PODXL2: variants seen among roughly 807,000 people sequenced by gnomAD.
PODXL2 encodes podocalyxin like 2, also known as podocalyxin-like protein 2.
Under a neutral mutation model 53.4 loss-of-function variants are expected in PODXL2, and 17 were observed. The ratio of observed to expected loss-of-function variants is 0.32; its 90% CI spans 0.22 to 0.48. The LOEUF is 0.48. Ranked by LOEUF, PODXL2 falls within the 20% of genes least tolerant of loss-of-function variation. PODXL2 has a pLI of 0.99. For missense variants in PODXL2, 673 were observed against 760.0 expected, an observed-to-expected ratio of 0.89 and a Z score of 1.35; for synonymous variants, 311 against 306.7, an observed-to-expected ratio of 1.01 and a Z score of -0.15.
chr3:127,645,868 G>C (rs991726874), intron 2 of PODXL2, among the ~76,000 whole-genome samples: 1 of 152,202 alleles, frequency 6.6e-6, no homozygotes, highest in African/African-American at 2.4e-5. Flanking sequence ...AGGGGTTCTT[G>C]GGGAGAAGGA....
chr3:127,649,345 G>A (rs2074674881), intron 2 of PODXL2, among the ~76,000 whole-genome samples: 1 of 152,228 alleles, frequency 6.6e-6, no homozygotes, highest in Non-Finnish European at 1.5e-5. Flanking sequence ...CATGGACTGT[G>A]CCATGATGGG....
At chr3:127,636,729 T>C (rs2074580524) in intron 1 of PODXL2, among the ~76,000 whole-genome samples, 1 of 152,198 alleles carries the variant, frequency 6.6e-6, no homozygotes, top group East Asian at 1.9e-4. Flanking sequence ...CAGAAGGCAA[T>C]CCCCTGTGAG....
chr3:127,639,252 C>G lies in PODXL2; in HGVS notation c.78C>G (p.Phe26Leu), dbSNP rs564214396. The G allele has an allele frequency of 1.2e-6, 2 of 1,604,014 alleles. No homozygotes were observed. Among genetic ancestry groups the G allele is most frequent in the East Asian group, 4.5e-5 (2 of 44,824 alleles). The change falls in exon 2 of 8, where the codon TTC (phenylalanine) becomes TTG (leucine). Residue 26 changes from phenylalanine to leucine, a missense_variant. Phe to Leu is a conservative substitution (Grantham distance 22). Coordinates refer to ENST00000342480, the MANE Select transcript of PODXL2 (RefSeq NM_015720.4). ...PLLLLLVGGA[F>L]LGACVAGSDE... ...GCTTTTATGTCTGCACAGGAGCGTTCCTGGGTGCCTGTGTGGCTGGGTCTG... is the reference window on the plus strand; with the variant it reads ...GCTTTTATGTCTGCACAGGAGCGTTGCTGGGTGCCTGTGTGGCTGGGTCTG...
At chr3:127,643,125 A>G (rs1204100570) in intron 2 of PODXL2, among the ~76,000 whole-genome samples, 3 of 152,256 alleles carry the variant, frequency 2.0e-5, no homozygotes, top group African/African-American at 7.2e-5. Flanking sequence ...TGACATACGT[A>G]GAAAACATTT....
intron 1 of PODXL2, among the ~76,000 whole-genome samples, chr3:127,630,942 A>C (rs889667564): frequency 6.6e-6 from 1 of 152,268 alleles, no homozygotes; most frequent in African/African-American, 2.4e-5. Context: ...GCCCAGCTGT[A>C]ACTGCCCATG....
chr3:127,671,654 G>A, intron 7 of PODXL2, 41 bp downstream of exon 7: 1 of 1,585,252 alleles, frequency 6.3e-7, no homozygotes, highest in Non-Finnish European at 8.6e-7. Flanking sequence ...CAGTTGAGAG[G>A]AGAGTGCCCA....
chr3:127,641,742 C>A (rs2074622079), intron 2 of PODXL2, among the ~76,000 whole-genome samples: 1 of 151,798 alleles, frequency 6.6e-6, no homozygotes, highest in South Asian at 2.1e-4. Flanking sequence ...TCTCGAACTC[C>A]TGACCTCAGG....
At chr3:127,649,821 C>T (rs2074677833) in intron 2 of PODXL2, among the ~76,000 whole-genome samples, 1 of 152,182 alleles carries the variant, frequency 6.6e-6, no homozygotes, top group Non-Finnish European at 1.5e-5. Flanking sequence ...CCTGTAATCC[C>T]AGCTACTCAG....
At chr3:127,641,508 T>C (rs2074620203) in intron 2 of PODXL2, among the ~76,000 whole-genome samples, 2 of 151,582 alleles carry the variant, frequency 1.3e-5, no homozygotes, top group African/African-American at 4.9e-5. Context: ...TGTGCCTGGC[T>C]TATAACTTGA....
chr3:127,663,965 C>T (rs978764320), intron 4 of PODXL2, among the ~76,000 whole-genome samples: 1 of 152,138 alleles, frequency 6.6e-6, no homozygotes, highest in Non-Finnish European at 1.5e-5. Flanking sequence ...CTCAATTAGT[C>T]ATCATTATTT....
intron 1 of PODXL2, 73 bp from the exon 2 acceptor site, chr3:127,639,172 C>T (rs544911741): frequency 1.4e-6 from 2 of 1,431,508 alleles, no homozygotes; most frequent in South Asian, 1.4e-5. Flanking sequence ...TCATTTGAGA[C>T]ATGCTCTAAC....
rs760809057 is a variant in PODXL2, at chr3:127,668,604, G to A, written c.1363+7G>A. 70 of 1,514,818 alleles carry A rather than the reference G, an allele frequency of 4.6e-5. No individual in the cohort carries two copies. Among genetic ancestry groups the A allele is most frequent in the Middle Eastern group, 1.9e-4 (1 of 5,346 alleles). The allele number at this position is 1,514,818 out of a possible 1,614,324, so 93.8% of individuals were successfully genotyped here. Reference sequence around the variant, plus strand: ...ACACTGGTGGGCGAGCAGGGTGAGCGAGGGCAGGTGATGGGAGGGCCCAGG... The same window carrying A: ...ACACTGGTGGGCGAGCAGGGTGAGCAAGGGCAGGTGATGGGAGGGCCCAGG... On this transcript the variant is annotated splice_region_variant and intron_variant, in intron 5 of 7. Transcript: ENST00000342480.
At chr3:127,635,181 A>G (rs1246238200) in intron 1 of PODXL2, among the ~76,000 whole-genome samples, 1 of 152,192 alleles carries the variant, frequency 6.6e-6, no homozygotes. Context: ...TTCACAGTGT[A>G]CTGAGCACAG....
chr3:127,639,102 C>A, intron 1 of PODXL2, 143 bp from the exon 2 acceptor site: 1 of 817,564 alleles, frequency 1.2e-6, no homozygotes, highest in Non-Finnish European at 1.9e-6. Flanking sequence ...TCAGAATCCC[C>A]GCAAAGCCTC....
At chr3:127,670,890 G>A (rs963091582) in intron 6 of PODXL2, among the ~76,000 whole-genome samples, 4 of 152,236 alleles carry the variant, frequency 2.6e-5, no homozygotes, top group South Asian at 2.1e-4. Flanking sequence ...CAGTGAACAC[G>A]CCATGGGAAG....
chr3:127,641,873 G>C (rs1159549573), intron 2 of PODXL2, among the ~76,000 whole-genome samples: 1 of 152,012 alleles, frequency 6.6e-6, no homozygotes, highest in African/African-American at 2.4e-5. Context: ...GTATTAAACT[G>C]GTTCCCTACT....
chr3:127,671,712 G>GCA lies in PODXL2; in HGVS notation c.1605+102_1605+103dup, dbSNP rs996518725. On this transcript the variant is annotated intron_variant, in intron 7 of 7. Coordinates refer to ENST00000342480, the MANE Select transcript of PODXL2 (RefSeq NM_015720.4). ...AGGGGAGGCAGTGACTCTCCTGGGC[G>GCA]CACAGGGTCCCGTGGGTGAAGCAGC... is the stretch of plus-strand genomic sequence containing the variant. 3 of 1,187,676 alleles carry GCA rather than the reference G, an allele frequency of 2.5e-6. No individual in the cohort carries two copies. The African/African-American group carries it at 4.5e-5, about 18-fold the overall frequency. 73.6% of individuals were successfully genotyped at this position (1,187,676 alleles called of 1,614,324 possible).
At chr3:127,668,749 A>G (rs944646303) in intron 5 of PODXL2, 152 bp downstream of exon 5, 4 of 767,010 alleles carry the variant, frequency 5.2e-6, no homozygotes, top group Admixed American at 7.0e-5. Flanking sequence ...GTCAAGGTGT[A>G]CCCACCAGCT....
At chr3:127,650,521 A>G (rs1487142793) in intron 2 of PODXL2, among the ~76,000 whole-genome samples, 1 of 151,514 alleles carries the variant, frequency 6.6e-6, no homozygotes, top group Non-Finnish European at 1.5e-5. Flanking sequence ...GAGTGGAGAA[A>G]CCCCTTTACA....
Sources: allele counts gnomAD v4.1 joint callset (sites outside exome capture counted in the v4.1 genomes callset), GRCh38; gene constraint gnomAD v4.1.1; transcripts MANE v1.5; gene names NCBI Gene and HGNC (gene_info 2026-07-23, HGNC 2026-07-21).